SGCD: variants seen among roughly 807,000 people sequenced by gnomAD.
The protein encoded by SGCD is sarcoglycan delta, also known as delta-sarcoglycan.
SGCD carries 18 observed loss-of-function variants against 36.6 expected under a neutral mutation model. That is an observed-to-expected ratio of 0.49 (90% confidence interval 0.34 to 0.73). The LOEUF (loss-of-function observed/expected upper bound fraction) is 0.73, where lower values mean the gene tolerates loss of function less well. Among genes scored for constraint, SGCD ranks in the 30% least tolerant of loss-of-function variants. SGCD has a pLI of 0.01. For missense variants in SGCD, 387 were observed against 346.7 expected, an observed-to-expected ratio of 1.12 and a Z score of -0.92; for synonymous variants, 133 against 130.6, an observed-to-expected ratio of 1.02 and a Z score of -0.12.
At chr5:156,210,286 T>G (rs1213998316) in intron 3 of SGCD, among the ~76,000 whole-genome samples, 2 of 152,134 alleles carry the variant, frequency 1.3e-5, no homozygotes, top group Non-Finnish European at 2.9e-5. Flanking sequence ...GCCCAGAATG[T>G]TTGGATGGGC....
chr5:156,347,961 C>T (rs1180566050), intron 3 of SGCD, among the ~76,000 whole-genome samples: 1 of 152,100 alleles, frequency 6.6e-6, no homozygotes, highest in Non-Finnish European at 1.5e-5. Flanking sequence ...TGTTATTAGG[C>T]ATAATTGGTA....
At chr5:156,029,799 A>G (rs1225532478) in intron 1 of SGCD, among the ~76,000 whole-genome samples, 2 of 152,054 alleles carry the variant, frequency 1.3e-5, no homozygotes, top group African/African-American at 2.4e-5. Flanking sequence ...ATTTTTTTTT[A>G]ATTTCACTTT....
At chr5:156,622,451 A>G (rs928358501) in intron 6 of SGCD, among the ~76,000 whole-genome samples, 1 of 141,860 alleles carries the variant, frequency 7.0e-6, no homozygotes, top group Admixed American at 6.9e-5. Flanking sequence ...TAATAATAAT[A>G]ATAATAATAA....
the SGCD span, among the ~76,000 whole-genome samples, chr5:155,767,102 T>C: frequency 1.3e-5 from 2 of 152,182 alleles, no homozygotes; most frequent in African/African-American, 2.4e-5. Flanking sequence ...CCTGAGCACA[T>C]GTGAATGCTA....
rs556676877 is a variant in SGCD, at chr5:156,540,206, A to G, written c.294+31504A>G. On this transcript the variant is annotated intron_variant, in intron 4 of 8. Transcript: ENST00000337851. Reference sequence around the variant, plus strand: ...ATTGTCTAATTGTTTCAAACTCAATATGGCTCTAATAAGATAGAAATATTG... The same window carrying G: ...ATTGTCTAATTGTTTCAAACTCAATGTGGCTCTAATAAGATAGAAATATTG... Among the ~76,000 whole-genome samples, 5 of 152,226 alleles carry G rather than the reference A, an allele frequency of 3.3e-5. No individual in the cohort carries two copies. The East Asian group carries it at 7.7e-4, about 23-fold the overall frequency.
At chr5:156,010,909 G>A (rs754488726) in intron 1 of SGCD, among the ~76,000 whole-genome samples, 4 of 152,074 alleles carry the variant, frequency 2.6e-5, no homozygotes, top group Non-Finnish European at 5.9e-5. Flanking sequence ...GATATATATT[G>A]TTATGGCTTG....
At chr5:156,511,162 T>G (rs1027722002) in intron 4 of SGCD, among the ~76,000 whole-genome samples, 6 of 152,210 alleles carry the variant, frequency 3.9e-5, no homozygotes, top group Non-Finnish European at 7.3e-5. Context: ...TTTTAATAAC[T>G]TTTTTTCAAA....
chr5:155,971,904 A>C (rs759904089), intron 1 of SGCD, among the ~76,000 whole-genome samples: 1 of 152,158 alleles, frequency 6.6e-6, no homozygotes, highest in Non-Finnish European at 1.5e-5. Context: ...AGAATATCAA[A>C]ACAAATTTAG....
chr5:156,184,661 A>G (rs1297702966), intron 3 of SGCD, among the ~76,000 whole-genome samples: 1 of 152,162 alleles, frequency 6.6e-6, no homozygotes, highest in Non-Finnish European at 1.5e-5. Flanking sequence ...CATAAAGAAT[A>G]TCAGTGGTTC....
chr5:156,504,688 C>A (rs934335496), intron 3 of SGCD, among the ~76,000 whole-genome samples: 2 of 152,046 alleles, frequency 1.3e-5, no homozygotes, highest in African/African-American at 4.8e-5. Flanking sequence ...CAGTTATTTC[C>A]TTACGATGAA....
At chr5:155,874,542 A>T (rs2116736) in intron 1 of SGCD, among the ~76,000 whole-genome samples, 63,981 of 151,894 alleles carry the variant, frequency 0.42, 15,310 homozygotes, top group African/African-American at 0.64. Context: ...AGGCTATATT[A>T]AAAAAGAGAA....
chr5:156,378,800 G>A (rs188550166), intron 3 of SGCD, among the ~76,000 whole-genome samples: 3 of 152,150 alleles, frequency 2.0e-5, no homozygotes, highest in Non-Finnish European at 4.4e-5. Flanking sequence ...TACCAACAGT[G>A]AATAAAATAA....
At position 155,921,493 on chromosome 5, in the gene SGCD, G is replaced by T. The variant is rs955640902; in HGVS notation, c.-282+51069G>T. Reference sequence around the variant, plus strand: ...ATTTGAGCATGCATAAGTGCTGATGGGGGGTAGCAGTAGAGGGGTAGTGGG... The same window carrying T: ...ATTTGAGCATGCATAAGTGCTGATGTGGGGTAGCAGTAGAGGGGTAGTGGG... On this transcript the variant is annotated intron_variant, in intron 1 of 9. Coordinates refer to the SGCD transcript ENST00000517913. 8.6e-5 allele frequency among the ~76,000 whole-genome samples: 13 copies of T among 152,004 alleles called. 1 individual carries two copies. The highest frequency in any genetic ancestry group is 6.6e-4 in the Admixed American group (10 of 15,252).
chr5:155,906,803 G>T (rs1445870822), intron 1 of SGCD, among the ~76,000 whole-genome samples: 3 of 151,968 alleles, frequency 2.0e-5, no homozygotes, highest in Non-Finnish European at 2.9e-5. Flanking sequence ...TGATGCAGAA[G>T]CTGCAGCAAA....
chr5:156,225,883 A>G lies in SGCD; in HGVS notation c.-44+101864A>G, dbSNP rs549697723. Reference sequence around the variant, plus strand: ...TTCAAGAGTTTTCTTCCATTTTGCAAAAGAGCAATAATATTTATACCATAT... The same window carrying G: ...TTCAAGAGTTTTCTTCCATTTTGCAGAAGAGCAATAATATTTATACCATAT... On this transcript the variant is annotated intron_variant, in intron 3 of 9. Coordinates refer to the SGCD transcript ENST00000517913. 8.5e-5 allele frequency among the ~76,000 whole-genome samples: 13 copies of G among 152,164 alleles called. No homozygotes were observed. The South Asian group carries it at 2.1e-3, about 24-fold the overall frequency.
At chr5:156,754,284 T>G (rs1466218480) in intron 7 of SGCD, among the ~76,000 whole-genome samples, 7 of 152,234 alleles carry the variant, frequency 4.6e-5, no homozygotes, top group Admixed American at 2.0e-4. Context: ...TTTTTTCTAT[T>G]TCAAGCTTTC....
At chr5:155,785,779 G>A in the SGCD span, among the ~76,000 whole-genome samples, 58 of 152,280 alleles carry the variant, frequency 3.8e-4, no homozygotes, top group African/African-American at 1.3e-3. Flanking sequence ...TACCCTGCTA[G>A]TACTTTAGTA....
chr5:156,197,004 T>C (rs1230854795), intron 3 of SGCD, among the ~76,000 whole-genome samples: 1 of 152,234 alleles, frequency 6.6e-6, no homozygotes, highest in African/African-American at 2.4e-5. Context: ...ATCTTTATAC[T>C]GTTAATCACT....
intron 1 of SGCD, among the ~76,000 whole-genome samples, chr5:155,995,796 G>C (rs148739432): frequency 6.6e-6 from 1 of 151,838 alleles, no homozygotes; most frequent in Non-Finnish European, 1.5e-5. Context: ...TGAACCAATG[G>C]TTAAAAAAAA....
Sources: allele counts gnomAD v4.1 joint callset (sites outside exome capture counted in the v4.1 genomes callset), GRCh38; gene constraint gnomAD v4.1.1; transcripts MANE v1.5; gene names NCBI Gene and HGNC (gene_info 2026-07-23, HGNC 2026-07-21).